CSNK2A2: variants seen among roughly 807,000 people sequenced by gnomAD.
CSNK2A2 encodes the protein casein kinase 2 alpha 2.
Under a neutral mutation model 54.0 loss-of-function variants are expected in CSNK2A2, and 8 were observed. That is an observed-to-expected ratio of 0.15 (90% CI 0.09 to 0.27). The LOEUF (loss-of-function observed/expected upper bound fraction) is 0.27. Ranked by LOEUF, CSNK2A2 falls within the 10% of genes least tolerant of loss-of-function variation. The pLI is 1.00. For missense variants in CSNK2A2, 242 were observed against 439.4 expected, an observed-to-expected ratio of 0.55 and a Z score of 4.02; for synonymous variants, 141 against 153.9, an observed-to-expected ratio of 0.92 and a Z score of 0.62.
chr16:58,188,069 A>G (rs1262348913), intron 2 of CSNK2A2, among the ~76,000 whole-genome samples: 2 of 152,206 alleles, frequency 1.3e-5, no homozygotes, highest in Non-Finnish European at 2.9e-5. Flanking sequence ...GGAAAATATA[A>G]CATACACACA....
At chr16:58,170,833 T>C (rs1019519759) in intron 5 of CSNK2A2, among the ~76,000 whole-genome samples, 27 of 152,248 alleles carry the variant, frequency 1.8e-4, no homozygotes, top group Non-Finnish European at 3.5e-4. Flanking sequence ...TAAGCTCCAT[T>C]TTTTTAATGT....
At chr16:58,191,652 C>T (rs542347129) in intron 2 of CSNK2A2, among the ~76,000 whole-genome samples, 5 of 152,076 alleles carry the variant, frequency 3.3e-5, no homozygotes, top group Non-Finnish European at 5.9e-5. Flanking sequence ...CGTGAGGCAC[C>T]GCGCCTAGCC....
Position 58,197,026 on chromosome 16 carries a change from C to G in CSNK2A2, c.105-182G>C, listed in dbSNP as rs565051198. ...TCTTGGCTCCCTTCACTCTGCAGAGCTCCTAACCTAATTGGTCTCTCCTAA... is the reference window on the plus strand; with the variant it reads ...TCTTGGCTCCCTTCACTCTGCAGAGGTCCTAACCTAATTGGTCTCTCCTAA... On this transcript the variant is annotated intron_variant, in intron 1 of 11. Transcript: ENST00000262506. The surrounding 1 kb of genome is among the most constrained non-coding windows in gnomAD (Gnocchi z 4.0). 2 of 587,820 alleles carry G rather than the reference C, an allele frequency of 3.4e-6. No individual in the cohort carries two copies. The highest frequency in any genetic ancestry group is 3.7e-5 in the African/African-American group (2 of 53,834). 36.4% of individuals were successfully genotyped at this position (587,820 alleles called of 1,614,324 possible). A position where few individuals can be genotyped will look rare whatever the true frequency, so the allele number is the denominator to read the frequency against.
At chr16:58,181,802 T>G (rs543566850) in intron 4 of CSNK2A2, among the ~76,000 whole-genome samples, 3 of 152,106 alleles carry the variant, frequency 2.0e-5, no homozygotes, top group African/African-American at 7.2e-5. Context: ...CCAGCAAGTA[T>G]GCAGAACAAA....
intron 11 of CSNK2A2, chr16:58,160,374 C>G (rs956429109): frequency 1.3e-5 from 2 of 152,162 alleles, no homozygotes; most frequent in African/African-American, 4.8e-5. Flanking sequence ...ACACAGGTTC[C>G]TAAAGTAACC....
intron 11 of CSNK2A2, chr16:58,162,405 CTTAT>C (rs1961409860): frequency 6.6e-6 from 1 of 152,092 alleles, no homozygotes; most frequent in Non-Finnish European, 1.5e-5. Context: ...GCTTTGGGAT[CTTAT>C]TTATTTTTTA....
chr16:58,163,574 A>C (rs1413870428), intron 11 of CSNK2A2: 3 of 152,264 alleles, frequency 2.0e-5, no homozygotes, highest in African/African-American at 7.2e-5. Context: ...GAGCTTAAAA[A>C]AAAAATACTG....
At chr16:58,168,716 T>TA (rs1382164239) in intron 5 of CSNK2A2, 23 bp from the exon 6 acceptor site, 20 of 1,585,374 alleles carry the variant, frequency 1.3e-5, no homozygotes, top group Non-Finnish European at 1.6e-5. Flanking sequence ...AAAGCACAGA[T>TA]AATAGTAAGC....
chr16:58,187,350 T>C (rs1962216598), intron 2 of CSNK2A2, among the ~76,000 whole-genome samples: 1 of 152,108 alleles, frequency 6.6e-6, no homozygotes, highest in Non-Finnish European at 1.5e-5. Context: ...CTGGCTCTCA[T>C]TTCCTGTCAC....
At chr16:58,186,884 G>T (rs1285112456) in intron 2 of CSNK2A2, 28 bp from the exon 3 acceptor site, 1 of 1,528,106 alleles carries the variant, frequency 6.5e-7, no homozygotes, top group South Asian at 1.1e-5. Flanking sequence ...AATCAGAAGT[G>T]AGACTCCTTT....
intron 6 of CSNK2A2, among the ~76,000 whole-genome samples, chr16:58,168,368 A>G (rs1961630726): frequency 6.6e-6 from 1 of 152,260 alleles, no homozygotes; most frequent in African/African-American, 2.4e-5. Context: ...GAGGCCCTCC[A>G]GAAAACTATG....
chr16:58,181,346 A>G (rs1197993727), intron 4 of CSNK2A2, among the ~76,000 whole-genome samples: 4 of 152,230 alleles, frequency 2.6e-5, no homozygotes, highest in African/African-American at 9.7e-5. Flanking sequence ...CGGGAAAATG[A>G]GTTTAAGATG....
At chr16:58,166,561 C>G in intron 9 of CSNK2A2, 23 bp downstream of exon 9, 1 of 524,258 alleles carries the variant, frequency 1.9e-6, no homozygotes, top group African/African-American at 2.0e-5. Context: ...AGGTAAAGCA[C>G]TCTCTCTCTC....
chr16:58,179,403 A>C (rs892289468), intron 4 of CSNK2A2, among the ~76,000 whole-genome samples: 1 of 151,964 alleles, frequency 6.6e-6, no homozygotes, highest in Non-Finnish European at 1.5e-5. Context: ...CAGGAGCCTG[A>C]GGCAGGAGAA....
chr16:58,189,324 G>A, intron 2 of CSNK2A2, among the ~76,000 whole-genome samples: 1 of 152,106 alleles, frequency 6.6e-6, no homozygotes, highest in Middle Eastern at 3.2e-3. Flanking sequence ...TTCGATATAA[G>A]AAAATTCTAG....
intron 11 of CSNK2A2, among the ~76,000 whole-genome samples, chr16:58,158,733 C>G (rs1961227118): frequency 1.3e-5 from 2 of 152,176 alleles, no homozygotes; most frequent in Admixed American, 1.3e-4. Flanking sequence ...TCTAGGTCCC[C>G]CTCAGACCTG....
At chr16:58,172,371 T>C (rs1961767853) in intron 5 of CSNK2A2, among the ~76,000 whole-genome samples, 1 of 152,224 alleles carries the variant, frequency 6.6e-6, no homozygotes, top group Admixed American at 6.5e-5. Context: ...AACCAGGGGT[T>C]GTGAGGGCAG....
intron 2 of CSNK2A2, among the ~76,000 whole-genome samples, chr16:58,188,135 A>C (rs1401112758): frequency 6.6e-6 from 1 of 152,214 alleles, no homozygotes; most frequent in African/African-American, 2.4e-5. Context: ...TGAACACATA[A>C]CAAAACAGAG....
At chr16:58,170,827 C>T (rs1171503890) in intron 5 of CSNK2A2, among the ~76,000 whole-genome samples, 2 of 152,038 alleles carry the variant, frequency 1.3e-5, no homozygotes, top group Non-Finnish European at 2.9e-5. Context: ...GATTGTTAAG[C>T]TCCATTTTTT....
Sources: gnomAD v4.1 joint callset for allele counts (sites outside exome capture counted in the v4.1 genomes callset) on GRCh38, gnomAD v4.1.1 for gene constraint, Gnocchi (gnomAD v3.1) non-coding constraint, MANE v1.5 for transcripts, NCBI Gene and HGNC (gene_info 2026-07-23, HGNC 2026-07-21) for gene names.